The following KIF21A variants were observed in gnomAD, a reference collection of about 807,000 sequenced individuals.
The protein encoded by KIF21A is kinesin-like protein KIF21A.
Under a neutral mutation model 202.9 loss-of-function variants are expected in KIF21A, and 114 were observed. The ratio of observed to expected loss-of-function variants is 0.56; its 90% CI spans 0.48 to 0.66. KIF21A has a LOEUF of 0.66. Ranked by LOEUF, KIF21A falls within the 30% of genes least tolerant of loss-of-function variation. The pLI is 0.00. For missense variants in KIF21A, 1,677 were observed against 1,994.9 expected (o/e 0.84, Z 3.04); for synonymous variants, 667 against 670.8 (o/e 0.99, Z 0.09).
At chr12:39,376,714 A>G (rs910670680) in intron 1 of KIF21A, among the ~76,000 whole-genome samples, 1 of 152,158 alleles carries the variant, frequency 6.6e-6, no homozygotes, top group Non-Finnish European at 1.5e-5. Context: ...ACTCAATCCA[A>G]TGATGCAAAC....
rs78275285 is a variant in KIF21A at position 39,330,153 on chromosome 12, C to A, written c.3340+89G>T. On this transcript the variant is annotated intron_variant, in intron 24 of 37. Coordinates refer to ENST00000361418, the MANE Select transcript of KIF21A (RefSeq NM_001173464.2). ...AAACCACTTGACCGCCAATAAAAAT[C>A]TTTAAAATAAGATGTACCACAATTA... 3.6e-3 allele frequency: 4,678 copies of A among 1,285,296 alleles called. 120 individuals are homozygous for A. In the African/African-American group the frequency reaches 0.058, roughly 16 times the overall value. The allele number at this position is 1,285,296 out of a possible 1,614,324, so 79.6% of individuals were successfully genotyped here. A position where few individuals can be genotyped will look rare whatever the true frequency, so the allele number is the denominator to read the frequency against.
In KIF21A at chr12:39,293,810, A is replaced by G. The variant is rs1346917208; in HGVS notation, c.*614T>C. ...GAGCTGCAAAACTTTGGTCAATACA[A>G]GTAAATGCCAACATTTAACACAAAC... On this transcript the variant is annotated 3_prime_UTR_variant, in exon 38 of 38. Transcript: ENST00000361418. 1 of 153,408 alleles carries G rather than the reference A, an allele frequency of 6.5e-6. No individual in the cohort carries two copies. The highest frequency in any genetic ancestry group is 1.5e-5 in the Non-Finnish European group (1 of 68,628). The allele number at this position is 153,408 out of a possible 1,614,324, so 9.5% of individuals were successfully genotyped here.
intron 37 of KIF21A, among the ~76,000 whole-genome samples, chr12:39,298,873 T>C (rs1942677396): frequency 6.6e-6 from 1 of 152,162 alleles, no homozygotes. Flanking sequence ...TTTTCCTACT[T>C]GTAAAATAGA....
At chr12:39,361,245 A>C (rs1282392519) in intron 7 of KIF21A, among the ~76,000 whole-genome samples, 1 of 152,230 alleles carries the variant, frequency 6.6e-6, no homozygotes, top group African/African-American at 2.4e-5. Flanking sequence ...ATAGTTAAGA[A>C]ATAAATACAG....
At chr12:39,340,814 C>A (rs987894821) in intron 15 of KIF21A, 92 bp downstream of exon 15, 9 of 893,556 alleles carry the variant, frequency 1.0e-5, no homozygotes, top group East Asian at 2.6e-5. Flanking sequence ...GGGTTTAATA[C>A]GGCTTCTATT....
intron 33 of KIF21A, among the ~76,000 whole-genome samples, chr12:39,308,957 G>A (rs181012610): frequency 2.6e-5 from 4 of 152,088 alleles, no homozygotes; most frequent in Admixed American, 6.5e-5. Context: ...AATGACTACC[G>A]AGTTTACGTC....
intron 1 of KIF21A, among the ~76,000 whole-genome samples, chr12:39,402,663 C>T (rs756644792): frequency 6.6e-6 from 1 of 152,192 alleles, no homozygotes; most frequent in Non-Finnish European, 1.5e-5. Flanking sequence ...AACCTGCAGC[C>T]TGTAGGCTGC....
intron 12 of KIF21A, among the ~76,000 whole-genome samples, chr12:39,344,933 G>A (rs938477072): frequency 6.6e-6 from 1 of 152,134 alleles, no homozygotes; most frequent in African/African-American, 2.4e-5. Context: ...GCCTGGAGAA[G>A]TGAATCCCCT....
intron 29 of KIF21A, among the ~76,000 whole-genome samples, chr12:39,317,185 C>A (rs1301964625): frequency 6.6e-6 from 1 of 152,068 alleles, no homozygotes; most frequent in Non-Finnish European, 1.5e-5. Context: ...AAAGAATTAT[C>A]CATAAATTAA....
intron 1 of KIF21A, among the ~76,000 whole-genome samples, chr12:39,389,906 A>T (rs1566110710): frequency 6.6e-6 from 1 of 152,164 alleles, no homozygotes; most frequent in East Asian, 1.9e-4. Flanking sequence ...TCTGCTCCAG[A>T]TCTGCTGGGA....
intron 1 of KIF21A, among the ~76,000 whole-genome samples, chr12:39,415,735 T>C (rs915254779): frequency 6.6e-6 from 1 of 152,184 alleles, no homozygotes; most frequent in Non-Finnish European, 1.5e-5. Context: ...TTTTGTTACC[T>C]TTGACTTGAC....
chr12:39,305,630 A>G (rs1943399020), intron 34 of KIF21A, among the ~76,000 whole-genome samples: 1 of 152,188 alleles, frequency 6.6e-6, no homozygotes, highest in Non-Finnish European at 1.5e-5. Flanking sequence ...AGAGTCATAA[A>G]TAAGTTATTC....
chr12:39,293,483 T>C lies in KIF21A; in HGVS notation c.*941A>G, dbSNP rs1311858309. The C allele has an allele frequency of 6.6e-6, 1 of 152,576 alleles. No homozygotes were observed. Among genetic ancestry groups the C allele is most frequent in the African/African-American group, 2.4e-5 (1 of 41,434 alleles). 9.5% of individuals were successfully genotyped at this position (152,576 alleles called of 1,614,324 possible). Reference sequence around the variant, plus strand: ...ATAGTCTCTCTATACAATCTACCTATTTACATAGCTTTTCCCACCACAGAT... The same window carrying C: ...ATAGTCTCTCTATACAATCTACCTACTTACATAGCTTTTCCCACCACAGAT... On this transcript the variant is annotated 3_prime_UTR_variant, in exon 38 of 38. Transcript: ENST00000361418.
intron 1 of KIF21A, among the ~76,000 whole-genome samples, chr12:39,408,545 T>C (rs1336476400): frequency 6.6e-6 from 1 of 151,826 alleles, no homozygotes; most frequent in Non-Finnish European, 1.5e-5. Context: ...CCTATAAAAA[T>C]AGTTAAATGC....
chr12:39,303,039 C>A lies in KIF21A; in HGVS notation c.4657G>T (p.Gly1553Trp), dbSNP rs769068732. ...YDGIEALTIQ[G>W]DNLFSGSRDN... is the part of the protein sequence containing the mutation. ...CTAGACCCACTAAATAGGTTATCCC[C>A]TTGAATGGTTAGTGCTTCTATGCCA... is the stretch of plus-strand genomic sequence containing the variant. Residue 1553 changes from glycine to tryptophan, a missense_variant, in exon 36 of 38, where the codon GGG becomes TGG. This residue lies in a region of KIF21A where 705 missense variants were observed against 791.9 expected (regional missense o/e 0.89). Coordinates refer to ENST00000361418, the MANE Select transcript of KIF21A (RefSeq NM_001173464.2). The A allele has an allele frequency of 6.8e-6, 11 of 1,613,982 alleles. No individual in the cohort carries two copies. In the South Asian group the frequency reaches 8.8e-5, roughly 13 times the overall value.
intron 1 of KIF21A, among the ~76,000 whole-genome samples, chr12:39,401,336 C>T (rs756696082): frequency 3.9e-5 from 6 of 151,944 alleles, no homozygotes; most frequent in Non-Finnish European, 8.8e-5. Context: ...AACTTGTTTC[C>T]GGGTCAAAAG....
In KIF21A at chr12:39,358,332, T is replaced by C; in HGVS notation, c.1061A>G (p.Asp354Gly). 6.2e-7 allele frequency: 1 copy of C among 1,614,118 alleles called. No homozygotes were observed. The highest frequency in any genetic ancestry group is 8.5e-7 in the Non-Finnish European group (1 of 1,179,998). Residue 354 changes from aspartate to glycine, a missense_variant, in exon 8 of 38, where the codon GAC becomes GGC. Transcript: ENST00000361418. ...MIACVSPSDR[D>G]FMETLNTLKY... ...CAGGGTGTTTAACGTTTCCATAAAG[T>C]CTCTGTCTGAAGGGCTGACACATGC...
chr12:39,356,616 T>C (rs939595190), intron 10 of KIF21A: 24 of 426,608 alleles, frequency 5.6e-5, no homozygotes, highest in African/African-American at 4.7e-4. Context: ...GCAGTAAGAG[T>C]AGGAGAATAA....
At chr12:39,385,150 G>A (rs934479313) in intron 1 of KIF21A, among the ~76,000 whole-genome samples, 1 of 152,040 alleles carries the variant, frequency 6.6e-6, no homozygotes, top group Non-Finnish European at 1.5e-5. Flanking sequence ...TGTCACCTTG[G>A]GGTCTGTCTG....
Sources: gnomAD v4.1 joint callset for allele counts (sites outside exome capture counted in the v4.1 genomes callset) on GRCh38, gnomAD v4.1.1 for gene constraint, gnomAD v4.1.1 regional missense constraint, MANE v1.5 for transcripts, NCBI Gene and HGNC (gene_info 2026-07-23, HGNC 2026-07-21) for gene names.